ARHGAP8: variants seen among roughly 807,000 people sequenced by gnomAD.
The protein encoded by ARHGAP8 is rho GTPase-activating protein 8.
ARHGAP8 carries 62 observed loss-of-function variants against 46.1 expected under a neutral mutation model. The ratio of observed to expected loss-of-function variants is 1.34; its 90% CI spans 1.10 to 1.66. The LOEUF (loss-of-function observed/expected upper bound fraction) is 1.66. Among genes scored for constraint, ARHGAP8 ranks in the 40% most tolerant of loss-of-function variants. The pLI, the probability that ARHGAP8 is intolerant of heterozygous loss-of-function variation, is 0.00. For missense variants in ARHGAP8, 923 were observed against 568.4 expected (o/e 1.62, Z -6.34); for synonymous variants, 375 against 243.1 (o/e 1.54, Z -5.05).
intron 3 of ARHGAP8, 39 bp downstream of exon 3, chr22:44,802,203 C>G: frequency 6.2e-7 from 1 of 1,610,336 alleles, no homozygotes; most frequent in Non-Finnish European, 8.5e-7. Context: ...CCCTGTCTCT[C>G]CATGTTGCTT....
At chr22:44,768,627 CT>C (rs1602148767) in intron 1 of ARHGAP8, among the ~76,000 whole-genome samples, 1 of 151,972 alleles carries the variant, frequency 6.6e-6, no homozygotes, top group African/African-American at 2.4e-5. Context: ...TTCTCTTGTT[CT>C]TGGACCTAGG....
intron 1 of ARHGAP8, among the ~76,000 whole-genome samples, chr22:44,783,823 A>C (rs886445073): frequency 6.6e-6 from 1 of 151,984 alleles, no homozygotes; most frequent in Non-Finnish European, 1.5e-5. Flanking sequence ...TGCTGCCCAC[A>C]TTCCTGGGCT....
At chr22:44,783,700 A>C (rs1276199078) in intron 1 of ARHGAP8, among the ~76,000 whole-genome samples, 1 of 152,202 alleles carries the variant, frequency 6.6e-6, no homozygotes. Context: ...CACAAATAGC[A>C]CAGAGACCTT....
chr22:44,820,378 G>A (rs974406451), intron 5 of ARHGAP8, among the ~76,000 whole-genome samples: 1 of 152,164 alleles, frequency 6.6e-6, no homozygotes, highest in Non-Finnish European at 1.5e-5. Context: ...CTGTCCCTGA[G>A]AATGGTTCCT....
intron 1 of ARHGAP8, among the ~76,000 whole-genome samples, chr22:44,784,545 C>T (rs539516319): frequency 6.6e-6 from 1 of 152,314 alleles, no homozygotes; most frequent in South Asian, 2.1e-4. Context: ...ATGCCATTTT[C>T]TATCAGGGAT....
At chr22:44,779,338 T>A (rs1232041760) in intron 1 of ARHGAP8, among the ~76,000 whole-genome samples, 1 of 151,650 alleles carries the variant, frequency 6.6e-6, no homozygotes, top group East Asian at 2.0e-4. Context: ...TGACCTCAGG[T>A]GATTTGCCTG....
chr22:44,846,170 C>T (rs1374770175), intron 8 of ARHGAP8, among the ~76,000 whole-genome samples: 1 of 152,210 alleles, frequency 6.6e-6, no homozygotes, highest in African/African-American at 2.4e-5. Context: ...GCCCCGAGAC[C>T]CCGCCACCGT....
intron 11 of ARHGAP8, 55 bp downstream of exon 11, chr22:44,859,889 C>T (rs11704168): frequency 0.15 from 241,936 of 1,586,964 alleles, 21,761 homozygotes; most frequent in East Asian, 0.38. Flanking sequence ...CCCTCCCATG[C>T]TGGGCCCGCA....
rs1253642321 is a variant in ARHGAP8, at chr22:44,786,324, C to T, written c.-71-133C>T. The stretch of plus-strand genomic sequence containing the variant: ...GCTGAGGCAGGGCGCGTAGTGGGTG[C>T]ACGGCTGAGGTAGGGCGCGTAGTGG... On this transcript the variant is annotated intron_variant, in intron 1 of 11. Coordinates refer to ENST00000356099, the MANE Select transcript of ARHGAP8 (RefSeq NM_181335.3). The T allele has an allele frequency of 7.7e-6, 8 of 1,042,538 alleles. No homozygotes were observed. The Middle Eastern group carries it at 1.3e-3, about 174-fold the overall frequency. 64.6% of individuals were successfully genotyped at this position (1,042,538 alleles called of 1,614,324 possible). A position where few individuals can be genotyped will look rare whatever the true frequency, so the allele number is the denominator to read the frequency against.
chr22:44,862,415 C>A lies in ARHGAP8; in HGVS notation c.1122C>A (p.Ile374=), dbSNP rs149982577. The A allele has an allele frequency of 5.6e-4, 909 of 1,614,070 alleles. 8 individuals are homozygous for A. The African/African-American group carries it at 9.7e-3, about 17-fold the overall frequency. ...TGAACATGTTCACTGAACTGCTGAT[C>A]GAGTACTATGAAAAGATCTTCAGCA... ...VPLNMFTELL[I]EYYEKIFSTP... Residue 374 remains isoleucine, a synonymous_variant, in exon 12 of 12, where the codon ATC becomes ATA. Coordinates refer to ENST00000356099, the MANE Select transcript of ARHGAP8 (RefSeq NM_181335.3).
intron 7 of ARHGAP8, among the ~76,000 whole-genome samples, chr22:44,840,727 G>A (rs1328099715): frequency 6.6e-6 from 1 of 152,194 alleles, no homozygotes; most frequent in Non-Finnish European, 1.5e-5. Context: ...ACAGCTCAAC[G>A]AAGCCGGCAC....
intron 11 of ARHGAP8, among the ~76,000 whole-genome samples, chr22:44,861,002 A>C (rs2070454455): frequency 6.6e-6 from 1 of 150,472 alleles, no homozygotes; most frequent in Admixed American, 6.6e-5. Context: ...AAACTCTCCT[A>C]ATTCTCTCAA....
intron 1 of ARHGAP8, among the ~76,000 whole-genome samples, chr22:44,778,074 G>C (rs1274559454): frequency 6.6e-6 from 1 of 151,670 alleles, no homozygotes; most frequent in Non-Finnish European, 1.5e-5. Flanking sequence ...CAGGTGGTGT[G>C]GCTACATGAG....
chr22:44,828,599 G>A (rs992014588), intron 7 of ARHGAP8, among the ~76,000 whole-genome samples: 1 of 150,890 alleles, frequency 6.6e-6, no homozygotes, highest in African/African-American at 2.4e-5. Context: ...ATAGGCGTGC[G>A]CCACCACACC....
intron 6 of ARHGAP8, 94 bp downstream of exon 6, chr22:44,822,563 C>T (rs1930233699): frequency 1.7e-6 from 2 of 1,159,100 alleles, no homozygotes; most frequent in Non-Finnish European, 2.3e-6. Context: ...GGCTTGATTT[C>T]CAAATGTGTG....
intron 10 of ARHGAP8, among the ~76,000 whole-genome samples, chr22:44,858,613 T>G (rs6006896): frequency 8.8e-4 from 127 of 144,634 alleles, no homozygotes; most frequent in African/African-American, 3.2e-3. Flanking sequence ...TCAAGTGATG[T>G]GCCTGCCTCG....
At chr22:44,808,531 G>C in intron 4 of ARHGAP8, 93 bp downstream of exon 4, 2 of 1,546,520 alleles carry the variant, frequency 1.3e-6, no homozygotes, top group Non-Finnish European at 1.7e-6. Context: ...GTGTGCAGTG[G>C]GGGAGGGGTC....
rs1043168949 is a variant in ARHGAP8 at position 44,862,406 on chromosome 22, A to C, written c.1113A>C (p.Glu371Asp). ...SALVPLNMFTELLIEYYEKIF... is the reference protein window; with the variant it reads ...SALVPLNMFTDLLIEYYEKIF... ...TTGTGCCCCTGAACATGTTCACTGA[A>C]CTGCTGATCGAGTACTATGAAAAGA... Residue 371 changes from glutamate to aspartate, a missense_variant, in exon 12 of 12, where the codon GAA becomes GAC. Glu to Asp is a conservative substitution (Grantham distance 45). Coordinates refer to ENST00000356099, the MANE Select transcript of ARHGAP8 (RefSeq NM_181335.3). 1.2e-6 allele frequency: 2 copies of C among 1,613,938 alleles called. No individual in the cohort carries two copies. The highest frequency in any genetic ancestry group is 2.7e-5 in the African/African-American group (2 of 74,880).
intron 4 of ARHGAP8, among the ~76,000 whole-genome samples, chr22:44,814,382 T>C (rs1030444078): frequency 6.6e-6 from 1 of 152,180 alleles, no homozygotes; most frequent in Non-Finnish European, 1.5e-5. Context: ...CAGGATGTGC[T>C]CCAGCCACCC....
Sources: allele counts gnomAD v4.1 joint callset (sites outside exome capture counted in the v4.1 genomes callset), GRCh38; gene constraint gnomAD v4.1.1; transcripts MANE v1.5; gene names NCBI Gene and HGNC (gene_info 2026-07-23, HGNC 2026-07-21).